The following DOK6 variants were observed in gnomAD, a reference collection of about 807,000 sequenced individuals.
DOK6 encodes downstream of tyrosine kinase 6.
In DOK6, 22 loss-of-function variants were observed where a neutral mutation model predicts 44.0. That is an observed-to-expected ratio of 0.50 (90% CI 0.36 to 0.71). The LOEUF is 0.71. Ranked by LOEUF, DOK6 falls within the 30% of genes least tolerant of loss-of-function variation. The pLI, the probability that DOK6 is intolerant of heterozygous loss-of-function variation, is 0.00. For synonymous variants in DOK6, 166 were observed against 145.5 expected (o/e 1.14, Z -1.01); for missense variants, 340 against 416.4 (o/e 0.82, Z 1.60).
At chr18:69,681,856 G>A (rs1328143141) in intron 4 of DOK6, among the ~76,000 whole-genome samples, 1 of 152,216 alleles carries the variant, frequency 6.6e-6, no homozygotes. Context: ...GGAAATTCCT[G>A]CAAATGCAGT....
chr18:69,785,114 G>A (rs1241603698), intron 7 of DOK6, among the ~76,000 whole-genome samples: 2 of 152,144 alleles, frequency 1.3e-5, no homozygotes, highest in Non-Finnish European at 2.9e-5. Context: ...ACATAATTCA[G>A]CAAATGCTTC....
intron 4 of DOK6, among the ~76,000 whole-genome samples, chr18:69,678,804 CT>C (rs1205868640): frequency 6.6e-6 from 1 of 152,096 alleles, no homozygotes; most frequent in East Asian, 1.9e-4. Context: ...AAAATAGAAA[CT>C]TTTTAGTGTT....
intron 7 of DOK6, among the ~76,000 whole-genome samples, chr18:69,816,231 T>G (rs1450651691): frequency 6.6e-6 from 1 of 152,218 alleles, no homozygotes; most frequent in Non-Finnish European, 1.5e-5. Flanking sequence ...ACGAAAGGCC[T>G]ACGGCATTGC....
chr18:69,743,830 A>AC (rs1978885341), intron 6 of DOK6, among the ~76,000 whole-genome samples: 2 of 152,012 alleles, frequency 1.3e-5, no homozygotes, highest in East Asian at 1.9e-4. Context: ...TAAAAAAAAA[A>AC]AAAAAACAGC....
intron 7 of DOK6, among the ~76,000 whole-genome samples, chr18:69,762,528 G>A (rs1041042953): frequency 2.6e-5 from 4 of 152,154 alleles, no homozygotes; most frequent in African/African-American, 7.2e-5. Flanking sequence ...ACTGCAGGTA[G>A]CACTGAGGAA....
chr18:69,548,258 T>C (rs952600145), intron 1 of DOK6, among the ~76,000 whole-genome samples: 2 of 151,246 alleles, frequency 1.3e-5, no homozygotes, highest in African/African-American at 4.8e-5. Context: ...TGCCCTCATA[T>C]ATATATTTTT....
At chr18:69,602,183 G>C (rs1210248448) in intron 3 of DOK6, among the ~76,000 whole-genome samples, 2 of 152,180 alleles carry the variant, frequency 1.3e-5, no homozygotes, top group Admixed American at 1.3e-4. Context: ...GGAGAAAACA[G>C]CTTTGTGGTG....
chr18:69,460,083 T>C (rs1303392416), intron 1 of DOK6, among the ~76,000 whole-genome samples: 3 of 152,170 alleles, frequency 2.0e-5, no homozygotes, highest in African/African-American at 4.8e-5. Context: ...CCTTTTGCCA[T>C]TTCATTGTTA....
At chr18:69,615,494 A>T (rs1430193503) in intron 3 of DOK6, among the ~76,000 whole-genome samples, 2 of 152,250 alleles carry the variant, frequency 1.3e-5, no homozygotes, top group Non-Finnish European at 2.9e-5. Context: ...CTGCTAAGAG[A>T]TGTGGAAGAA....
At chr18:69,545,952 C>T (rs1483596222) in intron 1 of DOK6, among the ~76,000 whole-genome samples, 1 of 151,144 alleles carries the variant, frequency 6.6e-6, no homozygotes, top group Non-Finnish European at 1.5e-5. Context: ...TGTTTTATAC[C>T]TGGATAGATG....
intron 1 of DOK6, among the ~76,000 whole-genome samples, chr18:69,480,396 C>T (rs1488017917): frequency 6.6e-6 from 1 of 151,922 alleles, no homozygotes; most frequent in Admixed American, 6.6e-5. Flanking sequence ...TGACAAGAAC[C>T]AAACAGATTT....
chr18:69,724,641 G>A (rs1247361787), intron 5 of DOK6, among the ~76,000 whole-genome samples: 1 of 152,190 alleles, frequency 6.6e-6, no homozygotes. Flanking sequence ...AGAGATTCCA[G>A]TAAGCTCCTA....
chr18:69,554,006 T>A (rs1982628596), intron 1 of DOK6, among the ~76,000 whole-genome samples: 1 of 152,176 alleles, frequency 6.6e-6, no homozygotes. Context: ...TCTCTATCTG[T>A]TCCTATATCA....
intron 7 of DOK6, among the ~76,000 whole-genome samples, chr18:69,820,089 A>G (rs1981523975): frequency 6.6e-6 from 1 of 152,176 alleles, no homozygotes. Flanking sequence ...GTAATATTCC[A>G]TTTTGTGTAT....
intron 7 of DOK6, among the ~76,000 whole-genome samples, chr18:69,782,505 T>C (rs1980306597): frequency 6.7e-6 from 1 of 150,132 alleles, no homozygotes; most frequent in Admixed American, 6.6e-5. Context: ...GCCACCGCAC[T>C]CGGCCGTGTT....
At chr18:69,701,324 T>G (rs970136044) in intron 5 of DOK6, among the ~76,000 whole-genome samples, 8 of 152,238 alleles carry the variant, frequency 5.3e-5, no homozygotes, top group African/African-American at 1.9e-4. Flanking sequence ...TCGGAGCAAT[T>G]GCTCTTTTAC....
In DOK6 at chr18:69,485,315, T is replaced by A. The variant is rs533236598; in HGVS notation, c.67-79172T>A. ...AGATGTGTTGGATCTATTAGTGCTT[T>A]CTATATCATATATATGTATTTTTCT... On this transcript the variant is annotated intron_variant, in intron 1 of 7. Coordinates refer to ENST00000382713, the MANE Select transcript of DOK6 (RefSeq NM_152721.6). Among the ~76,000 whole-genome samples, 128 of 152,284 alleles carry A rather than the reference T, an allele frequency of 8.4e-4. 1 individual carries two copies. The Middle Eastern group carries it at 0.017, about 20-fold the overall frequency.
intron 1 of DOK6, among the ~76,000 whole-genome samples, chr18:69,513,934 A>G (rs1244563100): frequency 1.3e-5 from 2 of 152,170 alleles, no homozygotes; most frequent in Non-Finnish European, 2.9e-5. Context: ...AATGTTAGGT[A>G]TCTCGTAAGG....
chr18:69,555,562 ATTGATGG>A (rs1225248695), intron 1 of DOK6, among the ~76,000 whole-genome samples: 3 of 152,126 alleles, frequency 2.0e-5, no homozygotes, highest in Non-Finnish European at 4.4e-5. Context: ...ATATGTGTTT[ATTGATGG>A]TTCTGTTCCT....
Sources: gnomAD v4.1 joint callset for allele counts (sites outside exome capture counted in the v4.1 genomes callset) on GRCh38, gnomAD v4.1.1 for gene constraint, MANE v1.5 for transcripts, NCBI Gene and HGNC (gene_info 2026-07-23, HGNC 2026-07-21) for gene names.